DDX21: variants seen among roughly 807,000 people sequenced by gnomAD.
The protein encoded by DDX21 is DExD-box helicase 21, also known as nucleolar RNA helicase 2.
A neutral mutation model predicts 90.0 loss-of-function variants in DDX21; 18 were observed. The observed-to-expected ratio is 0.20, with a 90% confidence interval of 0.14 to 0.30. DDX21 has a LOEUF of 0.30. DDX21 is among the 10% of genes least tolerant of loss of function. The pLI is 1.00. For missense variants in DDX21, 673 were observed against 944.5 expected, an observed-to-expected ratio of 0.71 and a Z score of 3.77; for synonymous variants, 294 against 318.0, an observed-to-expected ratio of 0.92 and a Z score of 0.80.
In DDX21 at chr10:68,982,895, A is replaced by G; in HGVS notation, c.*83A>G. ...AACATTATTTTTCATGCAAAGTTAA[A>G]AGCACATTGTGCCTCCTTTTGACCA... On this transcript the variant is annotated 3_prime_UTR_variant, in exon 15 of 15. Transcript: ENST00000354185. 6.5e-7 allele frequency: 1 copy of G among 1,536,918 alleles called. No homozygotes were observed. Among genetic ancestry groups the G allele is most frequent in the Non-Finnish European group, 8.8e-7 (1 of 1,137,726 alleles).
At chr10:68,961,557 G>A (rs1390284209) in intron 2 of DDX21, among the ~76,000 whole-genome samples, 2 of 152,084 alleles carry the variant, frequency 1.3e-5, no homozygotes, top group Admixed American at 1.3e-4. Flanking sequence ...CATTTTCCTC[G>A]TTAAGTACGC....
In DDX21 at chr10:68,982,689, A is replaced by G; in HGVS notation, c.2229A>G (p.Arg743=). 1 of 1,613,878 alleles carries G rather than the reference A, an allele frequency of 6.2e-7. No individual in the cohort carries two copies. The highest frequency in any genetic ancestry group is 8.5e-7 in the Non-Finnish European group (1 of 1,179,946). ...GFRGQRDGNR[R]FRGQREGSRG... is the part of the protein sequence containing the mutation. ...GGGGACAGCGGGACGGAAACAGAAGATTCAGAGGACAGCGGGAAGGCAGTA... is the reference window on the plus strand; with the variant it reads ...GGGGACAGCGGGACGGAAACAGAAGGTTCAGAGGACAGCGGGAAGGCAGTA... The change falls in exon 15 of 15, where the codon AGA becomes AGG. Residue 743 remains arginine (R), a synonymous_variant. Transcript: ENST00000354185.
chr10:68,968,838 T>G (rs1293471638), intron 6 of DDX21, 138 bp from the exon 7 acceptor site: 7 of 826,262 alleles, frequency 8.5e-6, no homozygotes, highest in Non-Finnish European at 1.1e-5. Flanking sequence ...CTTCCAGTTT[T>G]GTGTCCTCAG....
chr10:68,966,471 C>T (rs1237130978), intron 5 of DDX21, among the ~76,000 whole-genome samples: 5 of 151,900 alleles, frequency 3.3e-5, no homozygotes, highest in Admixed American at 3.3e-4. Context: ...GAGACAGAGT[C>T]TCACTCTGTG....
chr10:68,977,562 T>G lies in DDX21; in HGVS notation c.1776T>G (p.Ser592Arg). 1 of 1,612,768 alleles carries G rather than the reference T, an allele frequency of 6.2e-7. No individual in the cohort carries two copies. The highest frequency in any genetic ancestry group is 1.1e-5 in the South Asian group (1 of 90,952). The change falls in exon 12 of 15, where the codon AGT (serine) becomes AGG (arginine). Residue 592 changes from serine to arginine, a missense_variant. This residue lies in a region of DDX21 where 225 missense variants were observed against 298.8 expected (regional missense o/e 0.75). Coordinates refer to ENST00000354185, the MANE Select transcript of DDX21 (RefSeq NM_004728.4). ...ATTCCGTGCCTCCCACTGCCATTAG[T>G]CACTTCAAACAATCAGCTGAGAAGC... ...LLDSVPPTAI[S>R]HFKQSAEKLI...
At chr10:68,977,953 A>T (rs998053683) in intron 12 of DDX21, among the ~76,000 whole-genome samples, 14 of 143,860 alleles carry the variant, frequency 9.7e-5, no homozygotes, top group African/African-American at 2.6e-4. Context: ...ACAAAAAAAT[A>T]AAAAAAAAAA....
chr10:68,969,489 A>G (rs1161156591), intron 7 of DDX21, among the ~76,000 whole-genome samples: 2 of 152,178 alleles, frequency 1.3e-5, no homozygotes, highest in East Asian at 3.8e-4. Context: ...CATGTTGGCC[A>G]GGATAGTCTC....
intron 9 of DDX21, among the ~76,000 whole-genome samples, chr10:68,972,669 A>G (rs1843043671): frequency 6.6e-6 from 1 of 152,204 alleles, no homozygotes; most frequent in African/African-American, 2.4e-5. Context: ...AGTGTGTGGT[A>G]TAAACATTGT....
At chr10:68,958,530 G>A (rs1329165449) in intron 1 of DDX21, among the ~76,000 whole-genome samples, 1 of 151,856 alleles carries the variant, frequency 6.6e-6, no homozygotes, top group Non-Finnish European at 1.5e-5. Context: ...CCCGCCTCCC[G>A]GGTTCAAGCA....
In DDX21 at chr10:68,962,076, T is replaced by C. The variant is rs1181088580; in HGVS notation, c.532-6T>C. 6.2e-7 allele frequency: 1 copy of C among 1,606,936 alleles called. No individual in the cohort carries two copies. The highest frequency in any genetic ancestry group is 1.3e-5 in the African/African-American group (1 of 74,528). On this transcript the variant is annotated splice_polypyrimidine_tract_variant and splice_region_variant and intron_variant, in intron 2 of 14. Coordinates refer to ENST00000354185, the MANE Select transcript of DDX21 (RefSeq NM_004728.4). ...TGATTTCTTTCTATGGCCCTTTACT[T>C]GATAGGAAATACCTGTGGAACAAAA...
rs1460446178 is a variant in DDX21, at chr10:68,956,336, A to C, written c.87+24A>C. On this transcript the variant is annotated intron_variant, in intron 1 of 14. Coordinates refer to ENST00000354185, the MANE Select transcript of DDX21 (RefSeq NM_004728.4). Reference sequence around the variant, plus strand: ...AGGTGAAACGGAGGGACCTGGGGCCAGGAGGGACGCTGAATGGAGCGGAAC... The same window carrying C: ...AGGTGAAACGGAGGGACCTGGGGCCCGGAGGGACGCTGAATGGAGCGGAAC... The C allele has an allele frequency of 1.9e-6, 3 of 1,613,854 alleles. No homozygotes were observed. In the Admixed American group the frequency reaches 5.0e-5, roughly 27 times the overall value.
intron 1 of DDX21, among the ~76,000 whole-genome samples, chr10:68,956,967 G>C (rs2132076366): frequency 6.6e-6 from 1 of 151,932 alleles, no homozygotes; most frequent in East Asian, 1.9e-4. Context: ...GCTTGAACCC[G>C]GGAGGCGGAG....
intron 2 of DDX21, among the ~76,000 whole-genome samples, chr10:68,960,977 A>T (rs550186128): frequency 6.6e-6 from 1 of 152,222 alleles, no homozygotes; most frequent in African/African-American, 2.4e-5. Flanking sequence ...GGTTGATTGC[A>T]TAAGTCCTTT....
rs540881438 is a variant in DDX21 at position 68,961,920 on chromosome 10, C to T, written c.532-162C>T. On this transcript the variant is annotated intron_variant, in intron 2 of 14. Coordinates refer to ENST00000354185, the MANE Select transcript of DDX21 (RefSeq NM_004728.4). ...ATGACAATGTTTCCTTTTCAGATCT[C>T]GAGTTACCTATCAAGGTTTTTGTAT... Among the ~76,000 whole-genome samples, 9 of 152,184 alleles carry T rather than the reference C, an allele frequency of 5.9e-5. No homozygotes were observed. In the East Asian group the frequency reaches 1.2e-3, roughly 20 times the overall value.
At chr10:68,961,983 ATTGCTTTAGGATAGC>A in intron 2 of DDX21, 84 bp from the exon 3 acceptor site, 1 of 925,576 alleles carries the variant, frequency 1.1e-6, no homozygotes, top group Non-Finnish European at 1.7e-6. Context: ...GTTTAGAAGA[ATTGCTTTAGGATAGC>A]TTGTTTTGTC....
At chr10:68,978,429 T>C (rs898841338) in intron 12 of DDX21, among the ~76,000 whole-genome samples, 1 of 152,226 alleles carries the variant, frequency 6.6e-6, no homozygotes, top group Non-Finnish European at 1.5e-5. Flanking sequence ...CCCAAACATA[T>C]ATATGCGCAT....
At chr10:68,956,860 G>A in intron 1 of DDX21, 2 of 648,220 alleles carry the variant, frequency 3.1e-6, no homozygotes, top group South Asian at 6.7e-5. Flanking sequence ...GGCCAACATA[G>A]TGAAATCCCG....
chr10:68,980,960 G>GA (rs199879747), intron 13 of DDX21, among the ~76,000 whole-genome samples: 13 of 145,352 alleles, frequency 8.9e-5, no homozygotes, highest in South Asian at 2.2e-4. Flanking sequence ...TCTTAAGAGG[G>GA]AAAAAAAAAA....
At chr10:68,969,160 T>G (rs1842985105) in intron 7 of DDX21, 39 bp downstream of exon 7, 1 of 1,567,790 alleles carries the variant, frequency 6.4e-7, no homozygotes, top group African/African-American at 1.4e-5. Flanking sequence ...TAAAATTGTA[T>G]ATATTTTTTT....
Sources: allele counts gnomAD v4.1 joint callset (sites outside exome capture counted in the v4.1 genomes callset), GRCh38; gene constraint gnomAD v4.1.1; regional missense constraint gnomAD v4.1.1; transcripts MANE v1.5; gene names NCBI Gene and HGNC (gene_info 2026-07-23, HGNC 2026-07-21).